Variants in ERBB4 observed in about 807,000 individuals in gnomAD.
ERBB4 encodes the protein receptor tyrosine-protein kinase erbB-4.
In ERBB4, 42 loss-of-function variants were observed where a neutral mutation model predicts 158.0. That is an observed-to-expected ratio of 0.27 (90% CI 0.21 to 0.34). The LOEUF is 0.34. ERBB4 is among the 10% of genes least tolerant of loss of function. ERBB4 has a pLI of 1.00. For synonymous variants in ERBB4, 583 were observed against 558.7 expected, an observed-to-expected ratio of 1.04 and a Z score of -0.61; for missense variants, 1,333 against 1,624.1, an observed-to-expected ratio of 0.82 and a Z score of 3.08.
intron 2 of ERBB4, among the ~76,000 whole-genome samples, chr2:211,984,438 T>A (rs1204016230): frequency 6.6e-6 from 1 of 152,218 alleles, no homozygotes; most frequent in African/African-American, 2.4e-5. Context: ...AGTATTATAA[T>A]AAGCCATTTT....
At chr2:211,595,601 G>T (rs1235242160) in intron 19 of ERBB4, among the ~76,000 whole-genome samples, 2 of 152,138 alleles carry the variant, frequency 1.3e-5, no homozygotes, top group East Asian at 1.9e-4. Context: ...ATAAGAACCA[G>T]ATGTTATTAG....
At chr2:211,834,516 G>A (rs541376264) in intron 3 of ERBB4, among the ~76,000 whole-genome samples, 8 of 150,974 alleles carry the variant, frequency 5.3e-5, no homozygotes, top group Non-Finnish European at 1.0e-4. Context: ...AGGGGCAACT[G>A]ACTTTAAGGG....
chr2:211,620,072 T>A (rs2069539826), intron 18 of ERBB4, among the ~76,000 whole-genome samples: 1 of 152,146 alleles, frequency 6.6e-6, no homozygotes, highest in Admixed American at 6.5e-5. Context: ...AATAATAGCA[T>A]TTCTGGGTAA....
Position 211,381,349 on chromosome 2 carries a change from T to C in ERBB4, c.*2266A>G. 4.3e-6 allele frequency: 1 copy of C among 232,328 alleles called. No homozygotes were observed. 14.4% of individuals were successfully genotyped at this position (232,328 alleles called of 1,614,324 possible). On this transcript the variant is annotated 3_prime_UTR_variant, in exon 28 of 28. Transcript: ENST00000342788. The stretch of plus-strand genomic sequence containing the variant: ...ATAGGCTAATTAGTCAGTGATGCAA[T>C]ATTCTCCTAGACCAGTTTATGTTTG...
chr2:212,535,812 GTTCTC>G (rs923059849), intron 1 of ERBB4, among the ~76,000 whole-genome samples: 2 of 152,134 alleles, frequency 1.3e-5, no homozygotes, highest in East Asian at 1.9e-4. Context: ...GAAAAAAGAG[GTTCTC>G]TTCTGTTACA....
chr2:212,302,542 G>T (rs1398415997), intron 1 of ERBB4, among the ~76,000 whole-genome samples: 1 of 151,310 alleles, frequency 6.6e-6, no homozygotes, highest in Admixed American at 6.6e-5. Context: ...TCATATAATT[G>T]CAGTACGATA....
rs1454084841 is a variant in ERBB4, at chr2:211,386,815, C to G, written c.3481+38G>C. The G allele has an allele frequency of 2.5e-6, 4 of 1,607,194 alleles. No individual in the cohort carries two copies. The African/African-American group carries it at 5.3e-5, about 21-fold the overall frequency. ...CTTTGTTTATCTTGATGGAAGTGAA[C>G]TTCGAATGGCGATCGTTTCTGAATA... is the stretch of plus-strand genomic sequence containing the variant. On this transcript the variant is annotated intron_variant, in intron 27 of 27. Coordinates refer to ENST00000342788, the MANE Select transcript of ERBB4 (RefSeq NM_005235.3).
chr2:211,734,620 TA>T (rs34036811), intron 5 of ERBB4, among the ~76,000 whole-genome samples: 4,099 of 102,252 alleles, frequency 0.04, 170 homozygotes, highest in East Asian at 0.2. Flanking sequence ...GCTGTAGCAT[TA>T]AAAAAAAAAA....
chr2:211,543,925 C>T (rs1409674526), intron 20 of ERBB4, among the ~76,000 whole-genome samples: 1 of 151,692 alleles, frequency 6.6e-6, no homozygotes, highest in African/African-American at 2.4e-5. Context: ...TATTTTGTGG[C>T]CAGATACCTC....
chr2:211,575,978 G>T (rs904482502), intron 19 of ERBB4, among the ~76,000 whole-genome samples: 1 of 152,062 alleles, frequency 6.6e-6, no homozygotes, highest in Non-Finnish European at 1.5e-5. Flanking sequence ...TAATATGCAA[G>T]TTTTTATATT....
At chr2:212,032,669 G>T (rs1424362348) in intron 2 of ERBB4, among the ~76,000 whole-genome samples, 2 of 151,870 alleles carry the variant, frequency 1.3e-5, no homozygotes, top group Non-Finnish European at 2.9e-5. Flanking sequence ...AATATACATA[G>T]GAAATAAAGT....
chr2:211,905,647 C>CATATATATATAT (rs56758130), intron 3 of ERBB4, among the ~76,000 whole-genome samples: 70 of 71,426 alleles, frequency 9.8e-4, no homozygotes, highest in East Asian at 1.2e-3. Flanking sequence ...TAGGAAGGAT[C>CATATATATATAT]ATATATATAT....
intron 1 of ERBB4, among the ~76,000 whole-genome samples, chr2:212,160,198 T>C (rs1042703838): frequency 1.3e-5 from 2 of 151,964 alleles, no homozygotes; most frequent in Admixed American, 1.3e-4. Context: ...AACCAATTAG[T>C]GTCACAGTAA....
At chr2:211,897,257 A>T (rs2079121364) in intron 3 of ERBB4, among the ~76,000 whole-genome samples, 1 of 151,982 alleles carries the variant, frequency 6.6e-6, no homozygotes. Flanking sequence ...AATTCATGAA[A>T]GTGTGCTCTT....
intron 2 of ERBB4, among the ~76,000 whole-genome samples, chr2:211,959,405 T>C (rs1166919603): frequency 6.6e-6 from 1 of 152,134 alleles, no homozygotes; most frequent in Non-Finnish European, 1.5e-5. Flanking sequence ...AAACCATTTG[T>C]TTTAAAATTT....
chr2:211,663,421 C>T (rs1388437411), intron 15 of ERBB4, among the ~76,000 whole-genome samples: 2 of 152,140 alleles, frequency 1.3e-5, no homozygotes, highest in Non-Finnish European at 2.9e-5. Context: ...TCTGCGGCTG[C>T]AAATTGCTAA....
intron 2 of ERBB4, among the ~76,000 whole-genome samples, chr2:212,109,059 T>C (rs1356577181): frequency 2.6e-5 from 4 of 152,140 alleles, no homozygotes; most frequent in Non-Finnish European, 5.9e-5. Context: ...ATGTTGGTAA[T>C]AATGACAATG....
At chr2:212,312,224 T>C (rs752524021) in intron 1 of ERBB4, among the ~76,000 whole-genome samples, 2 of 151,024 alleles carry the variant, frequency 1.3e-5, no homozygotes, top group Non-Finnish European at 3.0e-5. Context: ...AAAGACCCTG[T>C]TTATTTGGTG....
At chr2:212,391,829 T>C (rs1326253853) in intron 1 of ERBB4, among the ~76,000 whole-genome samples, 4 of 147,732 alleles carry the variant, frequency 2.7e-5, no homozygotes, top group African/African-American at 9.8e-5. Context: ...TAAAAGAAGT[T>C]ATATATGGTA....
Sources: gnomAD v4.1 joint callset for allele counts (sites outside exome capture counted in the v4.1 genomes callset) on GRCh38, gnomAD v4.1.1 for gene constraint, MANE v1.5 for transcripts, NCBI Gene and HGNC (gene_info 2026-07-23, HGNC 2026-07-21) for gene names.